The following C11orf65 variants were observed in gnomAD, a reference collection of about 807,000 sequenced individuals.
C11orf65 encodes protein MFI.
C11orf65 carries 38 observed loss-of-function variants against 35.3 expected under a neutral mutation model. The ratio of observed to expected loss-of-function variants is 1.08; its 90% CI spans 0.83 to 1.41. The LOEUF (loss-of-function observed/expected upper bound fraction) is 1.41, where lower values mean the gene tolerates loss of function less well. Among genes scored for constraint, C11orf65 ranks in the 40% most tolerant of loss-of-function variants. C11orf65 has a pLI of 0.00. For missense variants in C11orf65, 370 were observed against 367.1 expected, an observed-to-expected ratio of 1.01 and a Z score of -0.06; for synonymous variants, 105 against 114.4, an observed-to-expected ratio of 0.92 and a Z score of 0.53.
chr11:108,444,490 C>T (rs1038981376), intron 2 of C11orf65, among the ~76,000 whole-genome samples: 3 of 152,146 alleles, frequency 2.0e-5, no homozygotes, highest in Non-Finnish European at 2.9e-5. Flanking sequence ...CATCCTGACA[C>T]CAAAGCCTGG....
intron 1 of C11orf65, among the ~76,000 whole-genome samples, chr11:108,462,235 G>T (rs2093481502): frequency 6.6e-6 from 1 of 152,130 alleles, no homozygotes; most frequent in South Asian, 2.1e-4. Flanking sequence ...TGTAGAGACA[G>T]GTTCTTGCTA....
At chr11:108,430,997 C>T (rs2092981850) in intron 3 of C11orf65, among the ~76,000 whole-genome samples, 3 of 150,218 alleles carry the variant, frequency 2.0e-5, no homozygotes, top group South Asian at 4.2e-4. Context: ...CAGGGAAATA[C>T]AAATTACAAA....
At chr11:108,343,394 G>C (rs2136955845) in intron 2 of C11orf65, 2 of 1,613,006 alleles carry the variant, frequency 1.2e-6, no homozygotes, top group Non-Finnish European at 8.5e-7. Context: ...CAAAATTAAA[G>C]GTTATTGTAA....
chr11:108,443,663 A>T (rs867661190), intron 2 of C11orf65, among the ~76,000 whole-genome samples: 16 of 152,084 alleles, frequency 1.1e-4, no homozygotes, highest in African/African-American at 3.1e-4. Context: ...GGATTAAGAA[A>T]CTCACTCAAA....
chr11:108,390,071 T>G (rs749711129), intron 7 of C11orf65, among the ~76,000 whole-genome samples: 12 of 152,176 alleles, frequency 7.9e-5, no homozygotes, highest in Non-Finnish European at 5.9e-5. Context: ...TTGCCCAGGC[T>G]GGAGTGCAGT....
chr11:108,445,048 G>A (rs896750074), intron 2 of C11orf65, among the ~76,000 whole-genome samples: 5 of 152,222 alleles, frequency 3.3e-5, no homozygotes, highest in African/African-American at 1.2e-4. Context: ...GCAGCAGCAA[G>A]GCTGGAGGAG....
At chr11:108,427,486 G>T (rs11212625) in intron 3 of C11orf65, among the ~76,000 whole-genome samples, 64,837 of 150,706 alleles carry the variant, frequency 0.43, 14,265 homozygotes, top group Middle Eastern at 0.66. Flanking sequence ...TTGGGAGGCC[G>T]AGACAGGCGG....
chr11:108,347,342 C>T lies in C11orf65; in HGVS notation c.227-12050G>A, dbSNP rs2137083835. On this transcript the variant is annotated intron_variant, in intron 2 of 3. Coordinates refer to the C11orf65 transcript ENST00000524755. ...AATATCTTGATAAATGAGCAGTCAGCAGAACTTGTACATATAGATCTAGGT... is the reference window on the plus strand; with the variant it reads ...AATATCTTGATAAATGAGCAGTCAGTAGAACTTGTACATATAGATCTAGGT... 2 of 1,608,432 alleles carry T rather than the reference C, an allele frequency of 1.2e-6. No homozygotes were observed. Among genetic ancestry groups the T allele is most frequent in the Middle Eastern group, 1.7e-4 (1 of 6,010 alleles).
At chr11:108,373,755 G>A (rs1278399870) in intron 2 of C11orf65, among the ~76,000 whole-genome samples, 4 of 152,230 alleles carry the variant, frequency 2.6e-5, no homozygotes, top group Admixed American at 1.3e-4. Context: ...AGGGGTCCGG[G>A]AGTTCCCTTT....
At chr11:108,384,600 C>A (rs1280284634) in intron 8 of C11orf65, among the ~76,000 whole-genome samples, 2 of 152,010 alleles carry the variant, frequency 1.3e-5, no homozygotes, top group African/African-American at 4.8e-5. Flanking sequence ...ATGGCGAAAT[C>A]CCATCTTGAC....
chr11:108,323,726 A>G (rs535304318), intron 6 of C11orf65, among the ~76,000 whole-genome samples: 1 of 152,332 alleles, frequency 6.6e-6, no homozygotes, highest in South Asian at 2.1e-4. Context: ...AGAAACACCT[A>G]AAGAATAATC....
At chr11:108,334,041 T>C (rs1297854009) in intron 3 of C11orf65, 1 of 1,218,608 alleles carries the variant, frequency 8.2e-7, no homozygotes, top group Non-Finnish European at 1.2e-6. Context: ...TGAAATAGTA[T>C]TTTTATGTAG....
At chr11:108,322,834 C>T (rs974437157) in intron 6 of C11orf65, among the ~76,000 whole-genome samples, 40 of 151,606 alleles carry the variant, frequency 2.6e-4, no homozygotes, top group African/African-American at 9.7e-4. Flanking sequence ...ACACTCCATT[C>T]GGTTTTAGCA....
intron 6 of C11orf65, among the ~76,000 whole-genome samples, chr11:108,393,927 A>C (rs994203949): frequency 2.6e-5 from 4 of 152,114 alleles, no homozygotes; most frequent in African/African-American, 9.7e-5. Context: ...TCACGCCTAT[A>C]ATCACAGAAC....
chr11:108,455,261 G>A (rs1161534518), intron 2 of C11orf65, among the ~76,000 whole-genome samples: 6 of 152,106 alleles, frequency 3.9e-5, no homozygotes, highest in African/African-American at 1.4e-4. Flanking sequence ...TTAGGCAACA[G>A]AAAGAAATAA....
Position 108,354,882 on chromosome 11 carries a change from A to AT in C11orf65, c.227-19591dup, listed in dbSNP as rs1555143639. The stretch of plus-strand genomic sequence containing the variant: ...CTGTTAACCATTGTAGAGGTAAAGT[A>AT]TTTTATAAGGAAGACTTTATTTTTT... On this transcript the variant is annotated intron_variant, in intron 2 of 3. Coordinates refer to the C11orf65 transcript ENST00000524755. The AT allele has an allele frequency of 6.2e-7, 1 of 1,606,676 alleles. No homozygotes were observed.
intron 3 of C11orf65, among the ~76,000 whole-genome samples, chr11:108,413,881 T>C (rs1264750860): frequency 6.6e-6 from 1 of 151,934 alleles, no homozygotes; most frequent in Non-Finnish European, 1.5e-5. Context: ...AAAACGAAAA[T>C]ACAACTTACT....
intron 6 of C11orf65, among the ~76,000 whole-genome samples, chr11:108,396,602 C>T (rs1454865737): frequency 4.0e-5 from 6 of 151,366 alleles, no homozygotes; most frequent in Non-Finnish European, 7.4e-5. Context: ...GAGGCCAAGG[C>T]GGGCGGATCA....
Position 108,319,805 on chromosome 11 carries a change from T to C in C11orf65, c.641-10734A>G, listed in dbSNP as rs1591098346. 2.7e-5 allele frequency: 17 copies of C among 632,788 alleles called. No homozygotes were observed. In the East Asian group the frequency reaches 4.7e-4, roughly 18 times the overall value. The allele number at this position is 632,788 out of a possible 1,614,324, so 39.2% of individuals were successfully genotyped here. A position where few individuals can be genotyped will look rare whatever the true frequency, so the allele number is the denominator to read the frequency against. ...AAAGAATTTAAATGACTCATAAAATTTGTATTTCTTACCAAAAATTCTAGA... is the reference window on the plus strand; with the variant it reads ...AAAGAATTTAAATGACTCATAAAATCTGTATTTCTTACCAAAAATTCTAGA... On this transcript the variant is annotated intron_variant, in intron 6 of 6. Transcript: ENST00000525729.
Sources: gnomAD v4.1 joint callset for allele counts (sites outside exome capture counted in the v4.1 genomes callset) on GRCh38, gnomAD v4.1.1 for gene constraint, MANE v1.5 for transcripts, NCBI Gene and HGNC (gene_info 2026-07-23, HGNC 2026-07-21) for gene names.